Variants in FASTKD1 observed in about 807,000 individuals in gnomAD.
FASTKD1 encodes the protein FAST kinase domain-containing protein 1, mitochondrial.
A neutral mutation model predicts 90.9 loss-of-function variants in FASTKD1; 94 were observed. The observed-to-expected ratio is 1.03, with a 90% confidence interval of 0.88 to 1.23. The LOEUF is 1.23. FASTKD1 is among the 50% of genes most tolerant of loss of function. The pLI, the probability that FASTKD1 is intolerant of heterozygous loss-of-function variation, is 0.00. For missense variants in FASTKD1, 945 were observed against 993.5 expected (o/e 0.95, Z 0.66); for synonymous variants, 319 against 345.8 (o/e 0.92, Z 0.86).
intron 10 of FASTKD1, among the ~76,000 whole-genome samples, chr2:169,539,129 A>G (rs1222654519): frequency 1.3e-5 from 2 of 151,958 alleles, no homozygotes; most frequent in Non-Finnish European, 2.9e-5. Context: ...TTAGCCGGGC[A>G]TGGTGGCACA....
chr2:169,551,523 G>A (rs1287520344), intron 7 of FASTKD1, among the ~76,000 whole-genome samples: 5 of 152,126 alleles, frequency 3.3e-5, no homozygotes, highest in East Asian at 1.9e-4. Context: ...CTGACCAGGC[G>A]CAGTGGCTCA....
chr2:169,538,037 G>A lies in FASTKD1; in HGVS notation c.2050C>T (p.Arg684Cys), dbSNP rs369748449. ...CCTTTATTATATTGTTGACAGAAGC[G>A]GTCATGAAACCATGGAATCTGAAAC... is the stretch of plus-strand genomic sequence containing the variant. ...PEFQIPWFHDRFCQQYNKGIG... is the reference protein window; with the variant it reads ...PEFQIPWFHDCFCQQYNKGIG... Residue 684 changes from arginine (R) to cysteine (C), a missense_variant, in exon 11 of 15, where the codon CGC becomes TGC. Coordinates refer to ENST00000453153, the MANE Select transcript of FASTKD1 (RefSeq NM_024622.6). The A allele has an allele frequency of 2.5e-5, 40 of 1,606,476 alleles. No homozygotes were observed. Among genetic ancestry groups the A allele is most frequent in the African/African-American group, 2.0e-4 (15 of 74,536 alleles).
intron 9 of FASTKD1, among the ~76,000 whole-genome samples, chr2:169,543,514 C>T (rs780993056): frequency 2.0e-5 from 3 of 151,964 alleles, no homozygotes; most frequent in Non-Finnish European, 4.4e-5. Context: ...AATTTGATTA[C>T]GGACTAGGTA....
In FASTKD1 at chr2:169,540,046, C is replaced by T. The variant is rs1376538204; in HGVS notation, c.1945+5G>A. 6.5e-7 allele frequency: 1 copy of T among 1,531,210 alleles called. No individual in the cohort carries two copies. Among genetic ancestry groups the T allele is most frequent in the Non-Finnish European group, 9.0e-7 (1 of 1,116,692 alleles). 94.9% of individuals were successfully genotyped at this position (1,531,210 alleles called of 1,614,324 possible). ...AATTAAATAAATTAAAAGATAGATA[C>T]ATACTTTCAAGTTGAGAATCCAATC... On this transcript the variant is annotated splice_donor_5th_base_variant and intron_variant, in intron 10 of 14. Transcript: ENST00000453153.
chr2:169,563,750 T>C (rs1378648619), intron 3 of FASTKD1, among the ~76,000 whole-genome samples: 1 of 152,130 alleles, frequency 6.6e-6, no homozygotes, highest in Non-Finnish European at 1.5e-5. Flanking sequence ...TTTATGACTT[T>C]GAATTCACTA....
intron 2 of FASTKD1, among the ~76,000 whole-genome samples, chr2:169,570,419 C>T (rs1684181497): frequency 6.6e-6 from 1 of 152,028 alleles, no homozygotes; most frequent in African/African-American, 2.4e-5. Context: ...AGTTTTTCCA[C>T]TGACACCAAG....
intron 7 of FASTKD1, among the ~76,000 whole-genome samples, chr2:169,553,649 G>A (rs948005464): frequency 3.3e-4 from 51 of 152,312 alleles, no homozygotes; most frequent in African/African-American, 1.2e-3. Flanking sequence ...CGGGCGCAGT[G>A]GCTCACGCCT....
chr2:169,546,908 C>A (rs1685233207), intron 7 of FASTKD1, among the ~76,000 whole-genome samples: 1 of 152,116 alleles, frequency 6.6e-6, no homozygotes. Flanking sequence ...GGAGTTCTTC[C>A]AAGCAGCGGA....
chr2:169,532,202 T>C (rs1684519654), intron 12 of FASTKD1, among the ~76,000 whole-genome samples: 1 of 152,072 alleles, frequency 6.6e-6, no homozygotes, highest in Non-Finnish European at 1.5e-5. Context: ...GGCAGATTGC[T>C]TGAGCTCAGG....
intron 13 of FASTKD1, chr2:169,530,954 C>T (rs751740160): frequency 1.5e-6 from 1 of 683,116 alleles, no homozygotes; most frequent in Non-Finnish European, 2.7e-6. Flanking sequence ...ATGCCTACTA[C>T]ATGTAAACCA....
At chr2:169,562,002 T>TTTATTAATTTATTGTAAATTAA (rs1208490294) in intron 4 of FASTKD1, among the ~76,000 whole-genome samples, 1 of 114,876 alleles carries the variant, frequency 8.7e-6, no homozygotes, top group Admixed American at 1.0e-4. Flanking sequence ...AAATTAATTA[T>TTTATTAATTTATTGTAAATTAA]TCATTAATTT....
intron 12 of FASTKD1, among the ~76,000 whole-genome samples, chr2:169,534,650 G>A (rs1220923829): frequency 6.6e-6 from 1 of 151,610 alleles, no homozygotes; most frequent in East Asian, 1.9e-4. Context: ...GTAGAGATGG[G>A]GTTTCACCAT....
chr2:169,555,316 T>C lies in FASTKD1; in HGVS notation c.1083-61A>G, dbSNP rs191584625. 109 of 1,411,142 alleles carry C rather than the reference T, an allele frequency of 7.7e-5. No homozygotes were observed. The African/African-American group carries it at 1.3e-3, about 17-fold the overall frequency. 87.4% of individuals were successfully genotyped at this position (1,411,142 alleles called of 1,614,324 possible). ...TTCATTTATTACACATTTACTATGG[T>C]GCTTTCACACCAGACACTCCGTTCT... On this transcript the variant is annotated intron_variant, in intron 6 of 14. Transcript: ENST00000453153.
In FASTKD1 at chr2:169,528,817, C is replaced by T. The variant is rs1484963914; in HGVS notation, c.*1008G>A. Among the ~76,000 whole-genome samples, 1 of 152,138 alleles carries T rather than the reference C, an allele frequency of 6.6e-6. No individual in the cohort carries two copies. Among genetic ancestry groups the T allele is most frequent in the Admixed American group, 6.5e-5 (1 of 15,280 alleles). Reference sequence around the variant, plus strand: ...ATCTGATACAACTACTCACCTCCCCCTTGAAATGCTTTATCCACTTGGCTT... The same window carrying T: ...ATCTGATACAACTACTCACCTCCCCTTTGAAATGCTTTATCCACTTGGCTT... On this transcript the variant is annotated 3_prime_UTR_variant, in exon 15 of 15. Coordinates refer to ENST00000453153, the MANE Select transcript of FASTKD1 (RefSeq NM_024622.6).
intron 14 of FASTKD1, 32 bp from the exon 15 acceptor site, chr2:169,529,958 T>C: frequency 1.4e-6 from 2 of 1,480,188 alleles, no homozygotes; most frequent in Non-Finnish European, 1.9e-6. Context: ...TGAATGAAAG[T>C]TTTAAAGCAA....
At chr2:169,534,139 C>CCTG (rs1232276988) in intron 12 of FASTKD1, among the ~76,000 whole-genome samples, 1 of 144,806 alleles carries the variant, frequency 6.9e-6, no homozygotes, top group African/African-American at 2.6e-5. Flanking sequence ...CCACTGCACT[C>CCTG]CTGCACTGCA....
intron 13 of FASTKD1, 50 bp from the exon 14 acceptor site, chr2:169,530,751 A>T: frequency 1.0e-6 from 1 of 971,026 alleles, no homozygotes; most frequent in South Asian, 1.5e-5. Flanking sequence ...TAAGAAACTG[A>T]ATAATTACAA....
intron 10 of FASTKD1, among the ~76,000 whole-genome samples, chr2:169,539,559 AGAGTTT>A (rs1447781377): frequency 6.6e-6 from 1 of 152,030 alleles, no homozygotes; most frequent in African/African-American, 2.4e-5. Flanking sequence ...CTTGAGCTCA[AGAGTTT>A]GAGACCAGCC....
chr2:169,561,756 T>A (rs1226142531), intron 4 of FASTKD1, among the ~76,000 whole-genome samples: 3 of 127,990 alleles, frequency 2.3e-5, no homozygotes, highest in African/African-American at 8.4e-5. Context: ...TTATAAATTA[T>A]TTATTAATTT....
Sources: allele counts gnomAD v4.1 joint callset (sites outside exome capture counted in the v4.1 genomes callset), GRCh38; gene constraint gnomAD v4.1.1; transcripts MANE v1.5; gene names NCBI Gene and HGNC (gene_info 2026-07-23, HGNC 2026-07-21).